CHEK2: variants seen among roughly 807,000 people sequenced by gnomAD.
CHEK2 encodes checkpoint kinase 2.
In CHEK2, 71 loss-of-function variants were observed where a neutral mutation model predicts 69.1. The observed-to-expected ratio is 1.03, with a 90% CI of 0.85 to 1.25. The LOEUF (loss-of-function observed/expected upper bound fraction) is 1.25. Ranked by LOEUF, CHEK2 falls within the 50% of genes most tolerant of loss-of-function variation. The pLI is 0.00. For synonymous variants in CHEK2, 189 were observed against 226.9 expected (o/e 0.83, Z 1.50); for missense variants, 664 against 649.6 (o/e 1.02, Z -0.24).
chr22:28,695,346 C>A, intron 11 of CHEK2, 104 bp from the exon 12 acceptor site: 1 of 758,142 alleles, frequency 1.3e-6, no homozygotes, highest in Non-Finnish European at 2.3e-6. Flanking sequence ...TCAGATTTTT[C>A]TTTAAATCAA....
intron 1 of CHEK2, among the ~76,000 whole-genome samples, chr22:28,736,783 C>CA (rs1174478603): frequency 2.2e-5 from 3 of 133,670 alleles, no homozygotes; most frequent in South Asian, 4.6e-4. Context: ...GCCCCCCGTA[C>CA]AAAAAATAAG....
intron 9 of CHEK2, 122 bp downstream of exon 9, chr22:28,699,716 A>C (rs1248370170): frequency 2.5e-6 from 2 of 807,494 alleles, no homozygotes; most frequent in Non-Finnish European, 4.3e-6. Flanking sequence ...CCAAGAAGAG[A>C]ACAGCAAACA....
intron 5 of CHEK2, among the ~76,000 whole-genome samples, chr22:28,713,869 C>T (rs59698429): frequency 2.0e-5 from 3 of 151,410 alleles, no homozygotes; most frequent in East Asian, 2.0e-4. Flanking sequence ...TTAGTAGAGA[C>T]GGGGTTTCAC....
Position 28,725,083 on chromosome 22 carries a change from ATCT to A in CHEK2, c.483_485del (p.Glu161del), listed in dbSNP as rs587782008. ...TTACAAAGGTTCCATTGCCACTGTGATCTTCTATGTATGCAATGTAAGAGTTTT... is the reference window on the plus strand; with the variant it reads ...TTACAAAGGTTCCATTGCCACTGTGATCTATGTATGCAATGTAAGAGTTTT... On this transcript the variant is annotated inframe_deletion, in exon 4 of 15. Coordinates refer to ENST00000404276, the MANE Select transcript of CHEK2 (RefSeq NM_007194.4). 60 of 1,613,994 alleles carry A rather than the reference ATCT, an allele frequency of 3.7e-5. No homozygotes were observed. Among genetic ancestry groups the A allele is most frequent in the Non-Finnish European group, 4.9e-5 (58 of 1,179,976 alleles).
chr22:28,711,407 G>T (rs1294363113), intron 6 of CHEK2, among the ~76,000 whole-genome samples: 8 of 151,902 alleles, frequency 5.3e-5, no homozygotes, highest in Admixed American at 4.6e-4. Context: ...TGAAAACTCA[G>T]TCATCAAAAA....
Position 28,699,876 on chromosome 22 carries a change from A to G in CHEK2, c.970T>C (p.Cys324Arg). 1 of 1,614,092 alleles carries G rather than the reference A, an allele frequency of 6.2e-7. No individual in the cohort carries two copies. The highest frequency in any genetic ancestry group is 8.5e-7 in the Non-Finnish European group (1 of 1,179,952). Residue 324 changes from cysteine to arginine, a missense_variant, in exon 9 of 15, where the codon TGC becomes CGC. By Grantham distance (180) the Cys-to-Arg change is radical (BLOSUM62 -3). Coordinates refer to ENST00000404276, the MANE Select transcript of CHEK2 (RefSeq NM_007194.4). ...VGNKRLKEAT[C>R]KLYFYQMLLA... ...AGCATCTGGTAAAAATAGAGCTTGC[A>G]GGTAGCTTCTTTCAGGCGTTTATTC... is the stretch of plus-strand genomic sequence containing the variant.
At chr22:28,731,989 G>A (rs2054231508) in intron 2 of CHEK2, among the ~76,000 whole-genome samples, 1 of 152,036 alleles carries the variant, frequency 6.6e-6, no homozygotes, top group Non-Finnish European at 1.5e-5. Flanking sequence ...TCACCCAGGC[G>A]GGACTGCAGT....
intron 6 of CHEK2, 106 bp downstream of exon 6, chr22:28,711,803 T>C (rs2053401097): frequency 9.8e-6 from 8 of 814,032 alleles, no homozygotes; most frequent in Non-Finnish European, 1.7e-5. Flanking sequence ...TTCATCCATC[T>C]AAGCAGGGGG....
chr22:28,688,092 T>A, intron 14 of CHEK2, 106 bp from the exon 15 acceptor site: 1 of 935,864 alleles, frequency 1.1e-6, no homozygotes, highest in South Asian at 1.4e-5. Context: ...GCATTTGATG[T>A]GAAATTCTAG....
At chr22:28,717,593 G>C (rs1434925420) in intron 5 of CHEK2, among the ~76,000 whole-genome samples, 1 of 151,342 alleles carries the variant, frequency 6.6e-6, no homozygotes, top group African/African-American at 2.4e-5. Flanking sequence ...ATAAAAATTA[G>C]GGCCGGGAGT....
Position 28,734,468 on chromosome 22 carries a change from G to A in CHEK2, c.254C>T (p.Pro85Leu), listed in dbSNP as rs17883862. Residue 85 changes from proline (P) to leucine (L), a missense_variant, in exon 2 of 15, where the codon CCT becomes CTT. Pro to Leu is a moderately conservative substitution (Grantham distance 98). Transcript: ENST00000404276. ...PEDQEPEDQE[P>L]EEPTPAPWAR... ...CCAGGGGGCAGGGGTAGGCTCCTCA[G>A]GTTCTTGGTCCTCAGGTTCTTGGTC... 881 of 1,613,706 alleles carry A rather than the reference G, an allele frequency of 5.5e-4. 4 individuals carry two copies. In the African/African-American group the frequency reaches 7.1e-3, roughly 13 times the overall value.
At chr22:28,715,060 G>C (rs1569144898) in intron 5 of CHEK2, among the ~76,000 whole-genome samples, 1 of 152,112 alleles carries the variant, frequency 6.6e-6, no homozygotes, top group Non-Finnish European at 1.5e-5. Flanking sequence ...GAGACACAGA[G>C]CAACACCCTG....
At chr22:28,720,359 G>A (rs1478657869) in intron 4 of CHEK2, among the ~76,000 whole-genome samples, 1 of 151,112 alleles carries the variant, frequency 6.6e-6, no homozygotes, top group Non-Finnish European at 1.5e-5. Flanking sequence ...CCAAAGTGCT[G>A]GGATTACAGG....
chr22:28,730,240 AGAG>A (rs1221985059), intron 2 of CHEK2, among the ~76,000 whole-genome samples: 1 of 192 alleles, frequency 5.2e-3, no homozygotes, highest in Non-Finnish European at 9.3e-3. Flanking sequence ...AGGAAAGAAA[AGAG>A]GAGAGGAGAG....
At chr22:28,738,810 T>A (rs1306159762) in intron 1 of CHEK2, among the ~76,000 whole-genome samples, 1 of 152,094 alleles carries the variant, frequency 6.6e-6, no homozygotes, top group Non-Finnish European at 1.5e-5. Context: ...TGGGATTTCA[T>A]CAAGCTAAAA....
chr22:28,705,074 A>G (rs1355335000), intron 7 of CHEK2, among the ~76,000 whole-genome samples: 3 of 149,346 alleles, frequency 2.0e-5, no homozygotes, highest in Non-Finnish European at 4.4e-5. Flanking sequence ...CCCAAAATCC[A>G]AATCTTTTTT....
At chr22:28,689,362 T>A in intron 13 of CHEK2, 147 bp from the exon 14 acceptor site, 1 of 729,498 alleles carries the variant, frequency 1.4e-6, no homozygotes. Flanking sequence ...AGCGAAGGCA[T>A]TATGTGTTGC....
chr22:28,690,471 A>C (rs1417660652), intron 13 of CHEK2, among the ~76,000 whole-genome samples: 2 of 152,134 alleles, frequency 1.3e-5, no homozygotes, highest in East Asian at 3.9e-4. Context: ...TCTACTAAAA[A>C]TACAAAATAA....
chr22:28,733,895 CTG>C (rs1484796524), intron 2 of CHEK2, among the ~76,000 whole-genome samples: 1 of 147,004 alleles, frequency 6.8e-6, no homozygotes, highest in African/African-American at 2.5e-5. Flanking sequence ...CTGCACTTGT[CTG>C]TGCGACAGAG....
Sources: gnomAD v4.1 joint callset for allele counts (sites outside exome capture counted in the v4.1 genomes callset) on GRCh38, gnomAD v4.1.1 for gene constraint, MANE v1.5 for transcripts, NCBI Gene and HGNC (gene_info 2026-07-23, HGNC 2026-07-21) for gene names.